Variants in ENKD1 observed in about 807,000 individuals in gnomAD.
ENKD1 encodes the protein enkurin domain containing 1.
A neutral mutation model predicts 35.8 loss-of-function variants in ENKD1; 39 were observed. The ratio of observed to expected loss-of-function variants is 1.09; its 90% CI spans 0.84 to 1.42. The LOEUF (loss-of-function observed/expected upper bound fraction) is 1.42, where lower values mean the gene tolerates loss of function less well. Among genes scored for constraint, ENKD1 ranks in the 40% most tolerant of loss-of-function variants. ENKD1 has a pLI of 0.00. For synonymous variants in ENKD1, 205 were observed against 198.6 expected (o/e 1.03, Z -0.27); for missense variants, 474 against 471.3 (o/e 1.01, Z -0.05).
intron 2 of ENKD1, 37 bp from the exon 3 acceptor site, chr16:67,665,205 G>A (rs752082299): frequency 1.2e-5 from 19 of 1,578,514 alleles, no homozygotes; most frequent in Non-Finnish European, 1.6e-5. Flanking sequence ...GCCCTACATG[G>A]GGCCCACACA....
At position 67,663,792 on chromosome 16, in the gene ENKD1, C is replaced by G. The variant is rs760037096; in HGVS notation, c.608G>C (p.Arg203Pro). The change falls in exon 5 of 7, where the codon CGT becomes CCT. Residue 203 changes from arginine to proline, a missense_variant. By Grantham distance (103) the Arg-to-Pro change is moderately radical. Coordinates refer to ENST00000243878, the MANE Select transcript of ENKD1 (RefSeq NM_032140.3). ...KEPGLGVDFI[R>P]HNARAAKRAP... is the part of the protein sequence containing the mutation. ...TCTCTTGGCAGCTCGTGCATTGTGA[C>G]GAATGAAGTCCACCCCCAGGCCTGG... The G allele has an allele frequency of 8.1e-6, 13 of 1,607,350 alleles. No homozygotes were observed. The highest frequency in any genetic ancestry group is 1.1e-5 in the South Asian group (1 of 90,016).
At position 67,665,106 on chromosome 16, in the gene ENKD1, A is replaced by G. The variant is rs986424241; in HGVS notation, c.343T>C (p.Phe115Leu). The change falls in exon 3 of 7, where the codon TTC (phenylalanine) becomes CTC (leucine). Residue 115 changes from phenylalanine to leucine, a missense_variant. Coordinates refer to ENST00000243878, the MANE Select transcript of ENKD1 (RefSeq NM_032140.3). ...LRRIREIQKR[F>L]REQERSREQG... ...TCCCGGCTGCGCTCCTGTTCTCTGA[A>G]GCGCTTCTGAATCTCCCTGATCCGC... The G allele has an allele frequency of 3.6e-5, 58 of 1,613,720 alleles. No individual in the cohort carries two copies. The highest frequency in any genetic ancestry group is 4.7e-5 in the Non-Finnish European group (56 of 1,179,954).
rs755175037 is a variant in ENKD1 at position 67,666,128 on chromosome 16, C to T, written c.223G>A (p.Gly75Arg). The change falls in exon 2 of 7, where the codon GGG (glycine) becomes AGG (arginine). Residue 75 changes from glycine to arginine, a missense_variant. Transcript: ENST00000243878. ...EILERGQRGVGDVLLQLEGIS... is the reference protein window; with the variant it reads ...EILERGQRGVRDVLLQLEGIS... The stretch of plus-strand genomic sequence containing the variant: ...CCCTCGAGTTGCAACAGCACGTCCC[C>T]GACGCCGCGCTGGCCGCGCTCCAGG... 1.9e-6 allele frequency: 3 copies of T among 1,612,828 alleles called. No individual in the cohort carries two copies. Among genetic ancestry groups the T allele is most frequent in the East Asian group, 2.2e-5 (1 of 44,884 alleles).
chr16:67,663,109 C>T lies in ENKD1; in HGVS notation c.*52G>A. ...TTGGGTCCAACCCTGTCCTTTGCAG[C>T]CATGTGGCGATCCTCAGCATGGAGC... is the stretch of plus-strand genomic sequence containing the variant. On this transcript the variant is annotated 3_prime_UTR_variant, in exon 7 of 7. Transcript: ENST00000243878. 6.2e-7 allele frequency: 1 copy of T among 1,604,446 alleles called. No individual in the cohort carries two copies. Among genetic ancestry groups the T allele is most frequent in the Non-Finnish European group, 8.5e-7 (1 of 1,174,884 alleles).
chr16:67,664,391 T>C (rs897881656), intron 3 of ENKD1: 6 of 422,594 alleles, frequency 1.4e-5, no homozygotes, highest in Non-Finnish European at 2.7e-5. Context: ...AATTCCTTGG[T>C]CTCGTTGTCC....
rs774533267 is a variant in ENKD1, at chr16:67,663,408, C to G, written c.880+12G>C. ...TGGGGCCCCCCTCCAGCCTCCCTGCCCAGGTACTCACTCTGGAGCAGCTTG... is the reference window on the plus strand; with the variant it reads ...TGGGGCCCCCCTCCAGCCTCCCTGCGCAGGTACTCACTCTGGAGCAGCTTG... On this transcript the variant is annotated intron_variant, in intron 6 of 6. Transcript: ENST00000243878. The G allele has an allele frequency of 1.4e-5, 22 of 1,612,614 alleles. No homozygotes were observed. Among genetic ancestry groups the G allele is most frequent in the Non-Finnish European group, 1.7e-5 (20 of 1,179,608 alleles).
Position 67,663,772 on chromosome 16 carries a change from T to G in ENKD1, c.628A>C (p.Lys210Gln). 6.2e-7 allele frequency: 1 copy of G among 1,610,342 alleles called. No homozygotes were observed. Among genetic ancestry groups the G allele is most frequent in the South Asian group, 1.1e-5 (1 of 90,398 alleles). The change falls in exon 5 of 7, where the codon AAG becomes CAG. Residue 210 changes from lysine (K) to glutamine (Q), a missense_variant. Physicochemically the swap from Lys to Gln is moderately conservative, Grantham distance 53. Transcript: ENST00000243878. ...CAGGAATGCCTCCGGGGGGCTCTCT[T>G]GGCAGCTCGTGCATTGTGACGAATG... ...DFIRHNARAA[K>Q]RAPRRHSCSL...
In ENKD1 at chr16:67,662,963, T is replaced by C; in HGVS notation, c.*198A>G. ...AAACAAATCCTGTGTACAAAATGTTTAATTTTGACAAAGCAGTTAAAAGGC... is the reference window on the plus strand; with the variant it reads ...AAACAAATCCTGTGTACAAAATGTTCAATTTTGACAAAGCAGTTAAAAGGC... On this transcript the variant is annotated 3_prime_UTR_variant, in exon 7 of 7. Coordinates refer to ENST00000243878, the MANE Select transcript of ENKD1 (RefSeq NM_032140.3). This position sits in a 1 kb window ranked among gnomAD's most constrained non-coding sequence, Gnocchi z 6.9. 1 of 670,212 alleles carries C rather than the reference T, an allele frequency of 1.5e-6. No individual in the cohort carries two copies. The highest frequency in any genetic ancestry group is 2.5e-6 in the Non-Finnish European group (1 of 406,378). 41.5% of individuals were successfully genotyped at this position (670,212 alleles called of 1,614,324 possible). A position where few individuals can be genotyped will look rare whatever the true frequency, so the allele number is the denominator to read the frequency against.
intron 2 of ENKD1, among the ~76,000 whole-genome samples, chr16:67,665,581 T>C (rs1265233024): frequency 6.6e-6 from 1 of 152,112 alleles, no homozygotes; most frequent in East Asian, 1.9e-4. Flanking sequence ...AGGCTGGTCT[T>C]CAACTCCTGG....
chr16:67,663,708 C>G lies in ENKD1; in HGVS notation c.692G>C (p.Arg231Pro). The change falls in exon 5 of 7, where the codon CGG becomes CCG. Residue 231 changes from arginine (R) to proline (P), a missense_variant. Arg to Pro is a moderately radical substitution (Grantham distance 103, BLOSUM62 -2). Transcript: ENST00000243878. ...GGCATTGTAGTGCTCCTGGGCCTGC[C>G]GCTGCTGCTCTAGCACTTGTGCCAG... The part of the protein sequence containing the change: ...QVLAQVLEQQ[R>P]QAQEHYNATQ... 1 of 1,613,188 alleles carries G rather than the reference C, an allele frequency of 6.2e-7. No homozygotes were observed. The highest frequency in any genetic ancestry group is 8.5e-7 in the Non-Finnish European group (1 of 1,179,602).
chr16:67,664,100 G>A, intron 3 of ENKD1, 38 bp from the exon 4 acceptor site: 1 of 1,536,962 alleles, frequency 6.5e-7, no homozygotes, highest in Non-Finnish European at 8.8e-7. Context: ...CAGGCAGGCT[G>A]AGGTCTGGGG....
At chr16:67,663,628 C>A in intron 5 of ENKD1, 29 bp downstream of exon 5, 1 of 1,604,964 alleles carries the variant, frequency 6.2e-7, no homozygotes, top group Non-Finnish European at 8.5e-7. Flanking sequence ...AGGTGTCCTT[C>A]ACCCTGAGTG....
Position 67,664,062 on chromosome 16 carries a change from C to T in ENKD1, c.454G>A (p.Glu152Lys), listed in dbSNP as rs751310345. The change falls in exon 4 of 7, where the codon GAG becomes AAG. Residue 152 changes from glutamate to lysine, a missense_variant and splice_region_variant. Physicochemically the swap from Glu to Lys is moderately conservative, Grantham distance 56. Coordinates refer to ENST00000243878, the MANE Select transcript of ENKD1 (RefSeq NM_032140.3). ...VESRVKAQLQ[E>K]PGPASGTESA... Reference sequence around the variant, plus strand: ...TCTGTCCCAGAGGCAGGGCCAGGCTCCTGGAGGGCAGGGCACAGCAGAGAG... The same window carrying T: ...TCTGTCCCAGAGGCAGGGCCAGGCTTCTGGAGGGCAGGGCACAGCAGAGAG... 2 of 1,555,520 alleles carry T rather than the reference C, an allele frequency of 1.3e-6. No homozygotes were observed. The highest frequency in any genetic ancestry group is 1.7e-6 in the Non-Finnish European group (2 of 1,149,460).
Position 67,666,642 on chromosome 16 carries a change from A to C in ENKD1, c.-200T>G. 1 of 517,830 alleles carries C rather than the reference A, an allele frequency of 1.9e-6. No individual in the cohort carries two copies. 32.1% of individuals were successfully genotyped at this position (517,830 alleles called of 1,614,324 possible). A position where few individuals can be genotyped will look rare whatever the true frequency, so the allele number is the denominator to read the frequency against. On this transcript the variant is annotated 5_prime_UTR_variant, in exon 1 of 7. Coordinates refer to ENST00000243878, the MANE Select transcript of ENKD1 (RefSeq NM_032140.3). ...CCTCCGCGACCTCTGCTCCCAGCCC[A>C]CTTCTCGGTCCCGCTCGCGGCCTCT...
At chr16:67,664,426 A>G (rs2053073624) in intron 3 of ENKD1, 3 of 379,770 alleles carry the variant, frequency 7.9e-6, no homozygotes, top group Admixed American at 7.5e-5. Context: ...AATAACTCCT[A>G]GGTCTCACTC....
In ENKD1 at chr16:67,663,305, C is replaced by T. The variant is rs775673268; in HGVS notation, c.897G>A (p.Leu299=). 1.9e-6 allele frequency: 3 copies of T among 1,613,632 alleles called. No homozygotes were observed. Among genetic ancestry groups the T allele is most frequent in the East Asian group, 2.2e-5 (1 of 44,892 alleles). Residue 299 remains leucine, a synonymous_variant, in exon 7 of 7, where the codon CTG becomes CTA. Coordinates refer to ENST00000243878, the MANE Select transcript of ENKD1 (RefSeq NM_032140.3). ...TKLLQSQSQL[L]RELVLLPAGA... ...CAGCAGGCAGCAGTACCAGCTCACG[C>T]AGCAGCTGGCTCTGGCCTACAGGGG...
chr16:67,663,491 G>A lies in ENKD1; in HGVS notation c.809C>T (p.Pro270Leu). 6.2e-7 allele frequency: 1 copy of A among 1,612,720 alleles called. No individual in the cohort carries two copies. Among genetic ancestry groups the A allele is most frequent in the African/African-American group, 1.3e-5 (1 of 75,076 alleles). Residue 270 changes from proline (P) to leucine (L), a missense_variant, in exon 6 of 7, where the codon CCT becomes CTT. Coordinates refer to ENST00000243878, the MANE Select transcript of ENKD1 (RefSeq NM_032140.3). Reference protein sequence around the residue: ...AEARKQSQPDPAMPPGHTRMP... With the variant: ...AEARKQSQPDLAMPPGHTRMP... Reference sequence around the variant, plus strand: ...GCGCGTGTGGCCTGGGGGCATGGCAGGGTCCGGCTGGCTCTGCTTGCGGGC... The same window carrying A: ...GCGCGTGTGGCCTGGGGGCATGGCAAGGTCCGGCTGGCTCTGCTTGCGGGC...
rs772946321 is a variant in ENKD1 at position 67,663,402 on chromosome 16, C to A, written c.880+18G>T. On this transcript the variant is annotated intron_variant, in intron 6 of 6. Coordinates refer to ENST00000243878, the MANE Select transcript of ENKD1 (RefSeq NM_032140.3). ...CCCCAGTGGGGCCCCCCTCCAGCCT[C>A]CCTGCCCAGGTACTCACTCTGGAGC... is the stretch of plus-strand genomic sequence containing the variant. The A allele has an allele frequency of 4.8e-5, 78 of 1,612,350 alleles. No homozygotes were observed. The highest frequency in any genetic ancestry group is 6.5e-5 in the Non-Finnish European group (77 of 1,179,384).
At position 67,663,586 on chromosome 16, in the gene ENKD1, C is replaced by T. The variant is rs769744244; in HGVS notation, c.744-30G>A. ...GGGTACACAGGCTCAGAGTTGATGA[C>T]CCGAGGGCAGAGGTTGGTTCCCACC... On this transcript the variant is annotated intron_variant, in intron 5 of 6. Coordinates refer to ENST00000243878, the MANE Select transcript of ENKD1 (RefSeq NM_032140.3). 3 of 1,605,774 alleles carry T rather than the reference C, an allele frequency of 1.9e-6. No homozygotes were observed. The South Asian group carries it at 3.3e-5, about 18-fold the overall frequency.
Sources: gnomAD v4.1 joint callset for allele counts (sites outside exome capture counted in the v4.1 genomes callset) on GRCh38, gnomAD v4.1.1 for gene constraint, Gnocchi (gnomAD v3.1) non-coding constraint, MANE v1.5 for transcripts, NCBI Gene and HGNC (gene_info 2026-07-23, HGNC 2026-07-21) for gene names.